The following TRPM3 variants were observed in gnomAD, a reference collection of about 807,000 sequenced individuals.
The protein encoded by TRPM3 is transient receptor potential cation channel subfamily M member 3.
A neutral mutation model predicts 181.2 loss-of-function variants in TRPM3; 77 were observed. That is an observed-to-expected ratio of 0.42 (90% CI 0.35 to 0.51). The LOEUF is 0.51. TRPM3 is among the 20% of genes least tolerant of loss of function. The pLI, the probability that TRPM3 is intolerant of heterozygous loss-of-function variation, is 0.01. For synonymous variants in TRPM3, 745 were observed against 796.4 expected, an observed-to-expected ratio of 0.94 and a Z score of 1.09; for missense variants, 1,759 against 2,196.7, an observed-to-expected ratio of 0.80 and a Z score of 3.98.
intron 8 of TRPM3, among the ~76,000 whole-genome samples, chr9:70,753,144 A>G (rs1389496528): frequency 2.6e-5 from 4 of 152,138 alleles, no homozygotes; most frequent in Non-Finnish European, 5.9e-5. Context: ...TGTTCACACA[A>G]CAATGAAATA....
At chr9:70,784,699 T>TA (rs987317852) in intron 6 of TRPM3, among the ~76,000 whole-genome samples, 8 of 152,162 alleles carry the variant, frequency 5.3e-5, no homozygotes, top group Non-Finnish European at 7.4e-5. Flanking sequence ...AGTAGGAAGT[T>TA]AAAAAATGCC....
At chr9:70,587,091 C>T (rs2057275075) in intron 22 of TRPM3, among the ~76,000 whole-genome samples, 1 of 151,594 alleles carries the variant, frequency 6.6e-6, no homozygotes, top group African/African-American at 2.4e-5. Flanking sequence ...CCCCAGACTA[C>T]CTATTAATTT....
At chr9:71,319,464 G>C (rs1249172504) in intron 1 of TRPM3, among the ~76,000 whole-genome samples, 1 of 152,126 alleles carries the variant, frequency 6.6e-6, no homozygotes, top group East Asian at 1.9e-4. Flanking sequence ...GTTCCAGCTT[G>C]AGAATGAATC....
chr9:71,106,802 A>G (rs1208573522), intron 1 of TRPM3, among the ~76,000 whole-genome samples: 1 of 152,154 alleles, frequency 6.6e-6, no homozygotes, highest in Non-Finnish European at 1.5e-5. Flanking sequence ...AACAGGATAA[A>G]ATGTTTCTCC....
intron 1 of TRPM3, among the ~76,000 whole-genome samples, chr9:70,879,117 G>A (rs2095931895): frequency 6.6e-6 from 1 of 152,070 alleles, no homozygotes; most frequent in Admixed American, 6.6e-5. Context: ...TGAGGAAGTG[G>A]AGGTTAAGCT....
chr9:70,616,458 TAGAC>T lies in TRPM3; in HGVS notation c.2359-387_2359-384del, dbSNP rs369137823. On this transcript the variant is annotated intron_variant, in intron 17 of 25. Transcript: ENST00000677713. Reference sequence around the variant, plus strand: ...AGAATTCAGATTTACATTTAGCCATTAGACAGCGCTTGATTTTGACTGTGAAATC... The same window carrying T: ...AGAATTCAGATTTACATTTAGCCATTAGCGCTTGATTTTGACTGTGAAATC... Among the ~76,000 whole-genome samples the T allele has an allele frequency of 5.9e-5, 9 of 151,862 alleles. No homozygotes were observed. The East Asian group carries it at 1.2e-3, about 20-fold the overall frequency.
chr9:71,131,194 C>T (rs1257557440), intron 1 of TRPM3, among the ~76,000 whole-genome samples: 2 of 152,158 alleles, frequency 1.3e-5, no homozygotes, highest in African/African-American at 2.4e-5. Context: ...TTTCCTGTCA[C>T]GGGACATTTA....
At chr9:71,060,280 C>G (rs925412020) in intron 1 of TRPM3, among the ~76,000 whole-genome samples, 6 of 152,072 alleles carry the variant, frequency 3.9e-5, no homozygotes, top group Non-Finnish European at 7.4e-5. Flanking sequence ...AGAGGAAAGA[C>G]AGTGTAGCCT....
intron 8 of TRPM3, among the ~76,000 whole-genome samples, chr9:70,700,808 A>G (rs114300499): frequency 0.035 from 5,257 of 152,304 alleles, 321 homozygotes; most frequent in African/African-American, 0.12. Flanking sequence ...GCACACATGT[A>G]TGTACATACA....
intron 1 of TRPM3, among the ~76,000 whole-genome samples, chr9:71,080,208 A>AAAT (rs371580814): frequency 3.6e-5 from 5 of 139,516 alleles, no homozygotes; most frequent in African/African-American, 1.3e-4. Context: ...ATAAATAAAT[A>AAAT]AAATAAAAAG....
chr9:70,616,067 C>T lies in TRPM3; in HGVS notation c.2367G>A (p.Leu789=). The stretch of plus-strand genomic sequence containing the variant: ...GAATTGAAGGAGGAAGTAGAATTCC[C>T]AGAATTACCTAAAGTAATAATAATG... The part of the protein sequence containing the change: ...MRKNSGLKVI[L]GILLPPSILS... The change falls in exon 18 of 26, where the codon CTG becomes CTA. Residue 789 remains leucine (L), a synonymous_variant. Transcript: ENST00000677713. The T allele has an allele frequency of 2.5e-6, 4 of 1,594,386 alleles. No homozygotes were observed. The highest frequency in any genetic ancestry group is 3.4e-6 in the Non-Finnish European group (4 of 1,171,606).
At chr9:71,135,224 C>A (rs1437575229) in intron 1 of TRPM3, among the ~76,000 whole-genome samples, 3 of 152,186 alleles carry the variant, frequency 2.0e-5, no homozygotes, top group African/African-American at 7.2e-5. Context: ...CTCTTCAGCT[C>A]CCTATTCCTC....
At chr9:70,552,601 G>A (rs1170976135) in intron 24 of TRPM3, among the ~76,000 whole-genome samples, 4 of 152,164 alleles carry the variant, frequency 2.6e-5, no homozygotes, top group African/African-American at 9.7e-5. Flanking sequence ...GAGACTGATT[G>A]TATCTCTCTA....
chr9:71,194,320 G>C (rs960294497), intron 1 of TRPM3, among the ~76,000 whole-genome samples: 1 of 151,934 alleles, frequency 6.6e-6, no homozygotes, highest in Non-Finnish European at 1.5e-5. Context: ...CCAAGACTAT[G>C]TGTTTCATAA....
At chr9:70,609,540 G>A (rs2061705585) in intron 19 of TRPM3, among the ~76,000 whole-genome samples, 1 of 152,224 alleles carries the variant, frequency 6.6e-6, no homozygotes, top group Non-Finnish European at 1.5e-5. Flanking sequence ...CATTTTGATT[G>A]TCATACTTGG....
chr9:71,358,714 G>A (rs79896464), intron 1 of TRPM3, among the ~76,000 whole-genome samples: 3,468 of 152,238 alleles, frequency 0.023, 114 homozygotes, highest in African/African-American at 0.076. Context: ...AAGGTGAAAG[G>A]AGGAGTCAAC....
intron 6 of TRPM3, among the ~76,000 whole-genome samples, chr9:70,797,613 C>T (rs1217962491): frequency 1.3e-5 from 2 of 152,220 alleles, no homozygotes; most frequent in Non-Finnish European, 2.9e-5. Context: ...AACTTTCCTT[C>T]AGCCACACCA....
At chr9:71,090,233 G>A (rs1228041058) in intron 1 of TRPM3, among the ~76,000 whole-genome samples, 1 of 152,106 alleles carries the variant, frequency 6.6e-6, no homozygotes, top group Non-Finnish European at 1.5e-5. Context: ...AAGCTTTCAA[G>A]GACAGATTGA....
intron 1 of TRPM3, among the ~76,000 whole-genome samples, chr9:70,923,235 G>A (rs2096676388): frequency 6.6e-6 from 1 of 152,074 alleles, no homozygotes; most frequent in Non-Finnish European, 1.5e-5. Flanking sequence ...TCATCTTCAT[G>A]GCGTTTTACA....
Sources: gnomAD v4.1 joint callset for allele counts (sites outside exome capture counted in the v4.1 genomes callset) on GRCh38, gnomAD v4.1.1 for gene constraint, MANE v1.5 for transcripts, NCBI Gene and HGNC (gene_info 2026-07-23, HGNC 2026-07-21) for gene names.